MAPKAP1: variants seen among roughly 807,000 people sequenced by gnomAD.
MAPKAP1 encodes the protein MAPK associated protein 1, also known as target of rapamycin complex 2 subunit MAPKAP1.
MAPKAP1 carries 20 observed loss-of-function variants against 65.7 expected under a neutral mutation model. The observed-to-expected ratio is 0.30, with a 90% CI of 0.21 to 0.44. The LOEUF is 0.44. Among genes scored for constraint, MAPKAP1 ranks in the 20% least tolerant of loss-of-function variants. The pLI is 1.00. For synonymous variants in MAPKAP1, 222 were observed against 244.3 expected (o/e 0.91, Z 0.85); for missense variants, 423 against 648.0 (o/e 0.65, Z 3.77).
At chr9:125,458,987 T>G (rs1351923204) in intron 10 of MAPKAP1, among the ~76,000 whole-genome samples, 2 of 90,738 alleles carry the variant, frequency 2.2e-5, no homozygotes, top group African/African-American at 4.7e-5. Context: ...ACGGGGTGGC[T>G]GCCGGGCGGA....
chr9:125,687,124 CTTT>C (rs528933268), intron 1 of MAPKAP1, among the ~76,000 whole-genome samples: 15 of 133,318 alleles, frequency 1.1e-4, no homozygotes, highest in African/African-American at 1.4e-4. Context: ...CCATGCCCAT[CTTT>C]TTTTTTTTTT....
At chr9:125,620,238 G>T (rs1359866431) in intron 4 of MAPKAP1, among the ~76,000 whole-genome samples, 1 of 152,212 alleles carries the variant, frequency 6.6e-6, no homozygotes, top group Admixed American at 6.5e-5. Context: ...GAACCCAGGA[G>T]GTGGAGGTTA....
At chr9:125,625,255 T>TAAAAA (rs58671780) in intron 4 of MAPKAP1, among the ~76,000 whole-genome samples, 7 of 64,674 alleles carry the variant, frequency 1.1e-4, no homozygotes, top group African/African-American at 3.0e-4. Flanking sequence ...AATAAATAAA[T>TAAAAA]AAAAAAAAAA....
Position 125,595,936 on chromosome 9 carries a change from C to T in MAPKAP1, c.499-10209G>A. 7.3e-7 allele frequency: 1 copy of T among 1,373,984 alleles called. No individual in the cohort carries two copies. Among genetic ancestry groups the T allele is most frequent in the Non-Finnish European group, 1.0e-6 (1 of 976,748 alleles). The allele number at this position is 1,373,984 out of a possible 1,614,324, so 85.1% of individuals were successfully genotyped here. ...GTTGTGGAACCAAAGAGAGCTGTCTCAAGAGAAGATTCTCAAAGACCAGGT... is the reference window on the plus strand; with the variant it reads ...GTTGTGGAACCAAAGAGAGCTGTCTTAAGAGAAGATTCTCAAAGACCAGGT... On this transcript the variant is annotated intron_variant, in intron 4 of 11. Transcript: ENST00000265960. This position sits in a 1 kb window ranked among gnomAD's most constrained non-coding sequence, Gnocchi z 4.0.
intron 11 of MAPKAP1, among the ~76,000 whole-genome samples, chr9:125,440,696 C>T (rs1490932462): frequency 6.6e-6 from 1 of 152,204 alleles, no homozygotes; most frequent in Non-Finnish European, 1.5e-5. Flanking sequence ...AAGGCTGGTG[C>T]GTGAGTACAG....
chr9:125,601,828 C>T (rs909605466), intron 4 of MAPKAP1, among the ~76,000 whole-genome samples: 2 of 152,152 alleles, frequency 1.3e-5, no homozygotes, highest in African/African-American at 2.4e-5. Context: ...ACATAAAGGC[C>T]AACACAAAGA....
At chr9:125,459,265 G>C (rs1427300077) in intron 10 of MAPKAP1, among the ~76,000 whole-genome samples, 1 of 151,432 alleles carries the variant, frequency 6.6e-6, no homozygotes, top group Non-Finnish European at 1.5e-5. Flanking sequence ...ATGGCGGCCG[G>C]GAAGAGGCGC....
At chr9:125,441,526 C>T (rs538939398) in intron 11 of MAPKAP1, among the ~76,000 whole-genome samples, 7 of 152,324 alleles carry the variant, frequency 4.6e-5, no homozygotes, top group Non-Finnish European at 8.8e-5. Flanking sequence ...TTTCTACAAG[C>T]GCAAAAAGCT....
chr9:125,689,652 T>C (rs1359256660), intron 1 of MAPKAP1, among the ~76,000 whole-genome samples: 1 of 141,432 alleles, frequency 7.1e-6, no homozygotes, highest in African/African-American at 2.7e-5. Flanking sequence ...GGCGTGAGAA[T>C]CACTTGAACC....
chr9:125,701,122 C>T (rs764561467), intron 1 of MAPKAP1, among the ~76,000 whole-genome samples: 6 of 152,182 alleles, frequency 3.9e-5, no homozygotes, highest in Non-Finnish European at 8.8e-5. Flanking sequence ...TTAAGCATAT[C>T]AATTAGAAAC....
rs577977253 is a variant in MAPKAP1, at chr9:125,497,174, C to T, written c.1066+9136G>A. On this transcript the variant is annotated intron_variant, in intron 8 of 11. Coordinates refer to ENST00000265960, the MANE Select transcript of MAPKAP1 (RefSeq NM_001006617.3). ...AGACTAAGACCTCTGGATGTTCTTC[C>T]TTCCCATAGTCCACCCTCCTGCATG... Among the ~76,000 whole-genome samples, 23 of 152,286 alleles carry T rather than the reference C, an allele frequency of 1.5e-4. 1 individual carries two copies. In the South Asian group the frequency reaches 4.1e-3, roughly 27 times the overall value.
chr9:125,565,917 G>A (rs961857651), intron 5 of MAPKAP1, among the ~76,000 whole-genome samples: 7 of 152,136 alleles, frequency 4.6e-5, no homozygotes, highest in African/African-American at 1.7e-4. Context: ...GGGAAATGTT[G>A]ATAATGGGTT....
intron 4 of MAPKAP1, among the ~76,000 whole-genome samples, chr9:125,598,083 A>C (rs1832192681): frequency 6.6e-6 from 1 of 151,954 alleles, no homozygotes; most frequent in Non-Finnish European, 1.5e-5. Flanking sequence ...AAAAAAAAAA[A>C]CAAAACCCAA....
At chr9:125,640,575 C>T (rs942097873) in intron 4 of MAPKAP1, among the ~76,000 whole-genome samples, 1 of 152,080 alleles carries the variant, frequency 6.6e-6, no homozygotes, top group Non-Finnish European at 1.5e-5. Flanking sequence ...CAAACCTGAA[C>T]ACTTAAGTCT....
intron 4 of MAPKAP1, among the ~76,000 whole-genome samples, chr9:125,646,194 C>G (rs1833721229): frequency 6.6e-6 from 1 of 152,052 alleles, no homozygotes. Context: ...GACTAGAGAT[C>G]TTAGTATTAT....
chr9:125,596,588 C>T (rs1208017959), intron 4 of MAPKAP1: 15 of 678,242 alleles, frequency 2.2e-5, no homozygotes, highest in Non-Finnish European at 4.1e-5. Flanking sequence ...TATGGCAGTT[C>T]CAGTAGCAGC....
In MAPKAP1 at chr9:125,560,434, A is replaced by G. The variant is rs867206219; in HGVS notation, c.672-625T>C. Among the ~76,000 whole-genome samples the G allele has an allele frequency of 3.9e-5, 6 of 152,040 alleles. No individual in the cohort carries two copies. In the South Asian group the frequency reaches 6.2e-4, roughly 16 times the overall value. On this transcript the variant is annotated intron_variant, in intron 5 of 11. Coordinates refer to ENST00000265960, the MANE Select transcript of MAPKAP1 (RefSeq NM_001006617.3). ...ACCCCATCTCTGCTAAAATACAAAA[A>G]TTAGCCAGACATGGTGGTATGCGCC...
chr9:125,678,771 C>A (rs1834732571), intron 1 of MAPKAP1, among the ~76,000 whole-genome samples: 1 of 152,062 alleles, frequency 6.6e-6, no homozygotes, highest in South Asian at 2.1e-4. Context: ...TTTTGATGGG[C>A]ATCACGTCTT....
intron 7 of MAPKAP1, among the ~76,000 whole-genome samples, chr9:125,525,463 CGGGG>C (rs1016527460): frequency 1.3e-5 from 2 of 151,842 alleles, no homozygotes; most frequent in African/African-American, 4.8e-5. Context: ...CACCTGAGGT[CGGGG>C]GTTCAAGACC....
Sources: gnomAD v4.1 joint callset for allele counts (sites outside exome capture counted in the v4.1 genomes callset) on GRCh38, gnomAD v4.1.1 for gene constraint, Gnocchi (gnomAD v3.1) non-coding constraint, MANE v1.5 for transcripts, NCBI Gene and HGNC (gene_info 2026-07-23, HGNC 2026-07-21) for gene names.